The following RAB3IL1 variants were observed in gnomAD, a reference collection of about 807,000 sequenced individuals.
The protein encoded by RAB3IL1 is guanine nucleotide exchange factor for Rab-3A.
RAB3IL1 carries 37 observed loss-of-function variants against 49.2 expected under a neutral mutation model. That is an observed-to-expected ratio of 0.75 (90% CI 0.58 to 0.99). RAB3IL1 has a LOEUF of 0.99. RAB3IL1 is among the 50% of genes least tolerant of loss of function. The probability of loss-of-function intolerance (pLI) is 0.00; values close to 1 mark genes in which losing one functional copy is unlikely to be tolerated. For missense variants in RAB3IL1, 484 were observed against 513.0 expected, an observed-to-expected ratio of 0.94 and a Z score of 0.55; for synonymous variants, 193 against 213.9, an observed-to-expected ratio of 0.90 and a Z score of 0.85.
chr11:61,932,165 G>A, the RAB3IL1 span, among the ~76,000 whole-genome samples: 15 of 151,918 alleles, frequency 9.9e-5, no homozygotes, highest in Non-Finnish European at 1.2e-4. Flanking sequence ...GCAGGAGAAT[G>A]GCGTGAACCC....
upstream of RAB3IL1, among the ~76,000 whole-genome samples, chr11:61,919,841 T>C (rs930360281): frequency 1.3e-5 from 2 of 152,172 alleles, no homozygotes; most frequent in African/African-American, 4.8e-5. Context: ...GACTTACAGG[T>C]GTGTCCTCAG....
Position 61,898,615 on chromosome 11 carries a change from G to A in RAB3IL1, c.1067-255C>T, listed in dbSNP as rs1035318459. Among the ~76,000 whole-genome samples, 2 of 152,324 alleles carry A rather than the reference G, an allele frequency of 1.3e-5. No individual in the cohort carries two copies. The highest frequency in any genetic ancestry group is 2.4e-5 in the African/African-American group (1 of 41,562). Reference sequence around the variant, plus strand: ...CTGACGGCCACCCCCACAGCCCGACGCAGACAAGCAGGTACACGCTGTCAC... The same window carrying A: ...CTGACGGCCACCCCCACAGCCCGACACAGACAAGCAGGTACACGCTGTCAC... On this transcript the variant is annotated intron_variant, in intron 9 of 9. Coordinates refer to ENST00000394836, the MANE Select transcript of RAB3IL1 (RefSeq NM_013401.4). The surrounding 1 kb of genome is among the most constrained non-coding windows in gnomAD (Gnocchi z 5.1).
At chr11:61,917,265 G>A in intron 1 of RAB3IL1, 92 bp downstream of exon 1, 1 of 1,330,250 alleles carries the variant, frequency 7.5e-7, no homozygotes. Context: ...GGGTGGCGGC[G>A]CAGACCCGGC....
chr11:61,936,321 T>C, the RAB3IL1 span, among the ~76,000 whole-genome samples: 2 of 152,306 alleles, frequency 1.3e-5, no homozygotes, highest in Admixed American at 1.3e-4. Context: ...GAATCCCAAG[T>C]AGGATAAACA....
chr11:61,904,909 G>A (rs1076180), intron 5 of RAB3IL1, 27 bp from the exon 6 acceptor site: 34,979 of 1,536,494 alleles, frequency 0.023, 516 homozygotes, highest in Non-Finnish European at 0.026. Context: ...GCGAGGGTGG[G>A]GGCGGTCAGG....
chr11:61,908,256 AC>A lies in RAB3IL1; in HGVS notation c.61del (p.Val21SerfsTer59). The A allele has an allele frequency of 6.6e-7, 1 of 1,521,910 alleles. No homozygotes were observed. The highest frequency in any genetic ancestry group is 2.0e-5 in the Admixed American group (1 of 49,600). 94.3% of individuals were successfully genotyped at this position (1,521,910 alleles called of 1,614,324 possible). A position where few individuals can be genotyped will look rare whatever the true frequency, so the allele number is the denominator to read the frequency against. On this transcript the variant is annotated frameshift_variant, in exon 2 of 10. Transcript: ENST00000394836. LOFTEE classifies it high-confidence loss of function. Reference protein sequence around the residue: ...GLPPPLAAVPVPWKSTDPCQG... With the variant: ...GLPPPLAAVPXPWKSTDPCQG... ...GCAGGGGTCCGTGCTCTTCCAGGGG[AC>A]CGGGACAGCTGCAAGGGGCGGCGGG...
At chr11:61,899,712 C>T (rs916747422) in intron 8 of RAB3IL1, 1 of 324,682 alleles carries the variant, frequency 3.1e-6, no homozygotes, top group South Asian at 3.4e-5. Context: ...AATGAACCAG[C>T]ATGCAGCAGA....
At chr11:61,928,686 T>C in the RAB3IL1 span, among the ~76,000 whole-genome samples, 1 of 152,218 alleles carries the variant, frequency 6.6e-6, no homozygotes, top group East Asian at 1.9e-4. Flanking sequence ...GCTAGGACCC[T>C]CAAAGAGGGC....
chr11:61,900,133 G>C (rs537685583), intron 8 of RAB3IL1, among the ~76,000 whole-genome samples: 1 of 152,338 alleles, frequency 6.6e-6, no homozygotes, highest in Admixed American at 6.5e-5. Flanking sequence ...GAGATAGAAA[G>C]GACAGTCCCC....
chr11:61,902,398 G>T, intron 8 of RAB3IL1, 44 bp downstream of exon 8: 1 of 1,521,880 alleles, frequency 6.6e-7, no homozygotes, highest in Non-Finnish European at 9.0e-7. Flanking sequence ...CAGCACCCAG[G>T]TGGCCCCAAA....
At chr11:61,937,244 C>T in the RAB3IL1 span, among the ~76,000 whole-genome samples, 5 of 151,996 alleles carry the variant, frequency 3.3e-5, no homozygotes, top group Non-Finnish European at 7.4e-5. Flanking sequence ...ATTTTGCATG[C>T]TATTGAAACT....
At chr11:61,902,394 C>T in intron 8 of RAB3IL1, 48 bp downstream of exon 8, 1 of 1,508,374 alleles carries the variant, frequency 6.6e-7, no homozygotes, top group South Asian at 1.2e-5. Flanking sequence ...GTCCCAGCAC[C>T]CAGGTGGCCC....
rs1171935477 is a variant in RAB3IL1, at chr11:61,898,277, C to T, written c.*1G>A. The T allele has an allele frequency of 6.2e-7, 1 of 1,612,740 alleles. No individual in the cohort carries two copies. The highest frequency in any genetic ancestry group is 1.7e-5 in the Admixed American group (1 of 60,008). The stretch of plus-strand genomic sequence containing the variant: ...GCTCCCCTTCAGGCCTGGGCCGCGC[C>T]CTAAGCCTCCTGGGGGAAGAAGCCG... On this transcript the variant is annotated 3_prime_UTR_variant, in exon 10 of 10. Transcript: ENST00000394836. The surrounding 1 kb of genome is among the most constrained non-coding windows in gnomAD (Gnocchi z 5.1).
intron 1 of RAB3IL1, among the ~76,000 whole-genome samples, chr11:61,914,355 C>T (rs1939588631): frequency 1.3e-5 from 2 of 152,228 alleles, no homozygotes; most frequent in South Asian, 4.1e-4. Context: ...GTATGATGAG[C>T]CCCGTCTCTG....
chr11:61,917,609 G>T (rs1939765050), upstream of RAB3IL1: 28 of 1,029,494 alleles, frequency 2.7e-5, no homozygotes, highest in Non-Finnish European at 3.0e-5. Context: ...GCCCGGCCCC[G>T]CCCCTCCGCC....
At chr11:61,929,037 G>C in the RAB3IL1 span, among the ~76,000 whole-genome samples, 4 of 152,076 alleles carry the variant, frequency 2.6e-5, no homozygotes, top group African/African-American at 9.7e-5. Context: ...TTTAATTATG[G>C]CTACATTATA....
the RAB3IL1 span, among the ~76,000 whole-genome samples, chr11:61,930,185 C>T: frequency 6.6e-6 from 1 of 152,002 alleles, no homozygotes; most frequent in Non-Finnish European, 1.5e-5. Flanking sequence ...CATGAGCCAC[C>T]ACTCCCAGCC....
upstream of RAB3IL1, among the ~76,000 whole-genome samples, chr11:61,921,591 C>T (rs1057058674): frequency 6.6e-6 from 1 of 152,170 alleles, no homozygotes; most frequent in Non-Finnish European, 1.5e-5. Context: ...GTTAGCCCTG[C>T]GTCATGACAA....
chr11:61,911,104 T>G (rs174478), intron 1 of RAB3IL1, among the ~76,000 whole-genome samples: 46,490 of 152,200 alleles, frequency 0.31, 8,410 homozygotes, highest in Non-Finnish European at 0.42. Flanking sequence ...CTCTCATTTT[T>G]GCCTTGTGGG....
Sources: gnomAD v4.1 joint callset for allele counts (sites outside exome capture counted in the v4.1 genomes callset) on GRCh38, gnomAD v4.1.1 for gene constraint, Gnocchi (gnomAD v3.1) non-coding constraint, MANE v1.5 for transcripts, NCBI Gene and HGNC (gene_info 2026-07-23, HGNC 2026-07-21) for gene names.